POLR3B: variants seen among roughly 807,000 people sequenced by gnomAD.
POLR3B encodes the protein DNA-directed RNA polymerase III subunit RPC2.
POLR3B carries 96 observed loss-of-function variants against 147.4 expected under a neutral mutation model. The observed-to-expected ratio is 0.65, with a 90% CI of 0.55 to 0.77. The LOEUF (loss-of-function observed/expected upper bound fraction) is 0.77, where lower values mean the gene tolerates loss of function less well. Among genes scored for constraint, POLR3B ranks in the 30% least tolerant of loss-of-function variants. The pLI, the probability that POLR3B is intolerant of heterozygous loss-of-function variation, is 0.00. For missense variants in POLR3B, 1,036 were observed against 1,413.5 expected, an observed-to-expected ratio of 0.73 and a Z score of 4.28; for synonymous variants, 461 against 485.9, an observed-to-expected ratio of 0.95 and a Z score of 0.67.
chr12:106,387,261 A>C (rs971478962), intron 9 of POLR3B, among the ~76,000 whole-genome samples: 1 of 152,150 alleles, frequency 6.6e-6, no homozygotes, highest in Non-Finnish European at 1.5e-5. Context: ...ATGAATCTGC[A>C]TCATTATTTT....
At chr12:106,369,714 C>G in intron 6 of POLR3B, 31 bp downstream of exon 6, 1 of 1,328,182 alleles carries the variant, frequency 7.5e-7, no homozygotes, top group Non-Finnish European at 1.1e-6. Context: ...TAGAGCCACA[C>G]TGCCTGGATT....
At chr12:106,475,961 T>G (rs1362806049) in intron 23 of POLR3B, among the ~76,000 whole-genome samples, 4 of 150,804 alleles carry the variant, frequency 2.7e-5, no homozygotes, top group African/African-American at 4.9e-5. Context: ...CTTCCTAGTC[T>G]CGATGGTCTT....
intron 10 of POLR3B, among the ~76,000 whole-genome samples, chr12:106,394,503 C>T (rs2036955685): frequency 6.6e-6 from 1 of 152,046 alleles, no homozygotes; most frequent in Non-Finnish European, 1.5e-5. Context: ...TGGGAGATAC[C>T]CTATTCTTTA....
At chr12:106,471,204 C>G (rs2038086212) in intron 23 of POLR3B, among the ~76,000 whole-genome samples, 1 of 152,148 alleles carries the variant, frequency 6.6e-6, no homozygotes, top group South Asian at 2.1e-4. Context: ...CTCCACCATC[C>G]CAGGTTGATC....
Position 106,504,199 on chromosome 12 carries a change from G to T in POLR3B, c.3217G>T (p.Asp1073Tyr). 1 of 1,614,186 alleles carries T rather than the reference G, an allele frequency of 6.2e-7. No homozygotes were observed. Among genetic ancestry groups the T allele is most frequent in the East Asian group, 2.2e-5 (1 of 44,892 alleles). ...LLLERLMISSDAFEVDVCGQC... is the reference protein window; with the variant it reads ...LLLERLMISSYAFEVDVCGQC... ...GCTAGAGAGACTAATGATTTCAAGT[G>T]ATGCCTTTGAGGTTGATGTCTGTGG... Residue 1073 changes from aspartate to tyrosine, a missense_variant, in exon 27 of 28, where the codon GAT becomes TAT. Physicochemically the swap from Asp to Tyr is radical, Grantham distance 160. Around this residue, in one of 12 missense-constraint regions of POLR3B, gnomAD observed 69 missense variants for 89.8 expected, o/e 0.77. Coordinates refer to ENST00000228347, the MANE Select transcript of POLR3B (RefSeq NM_018082.6). The surrounding 1 kb of genome is among the most constrained non-coding windows in gnomAD (Gnocchi z 4.6).
At chr12:106,390,340 T>G (rs1378382592) in intron 9 of POLR3B, among the ~76,000 whole-genome samples, 2 of 151,630 alleles carry the variant, frequency 1.3e-5, no homozygotes, top group Non-Finnish European at 2.9e-5. Context: ...TTAACCTGTA[T>G]TATTTAAACA....
chr12:106,455,084 A>G (rs1248665106), intron 20 of POLR3B, among the ~76,000 whole-genome samples: 2 of 152,224 alleles, frequency 1.3e-5, no homozygotes, highest in East Asian at 3.8e-4. Flanking sequence ...CCTGTTTGAG[A>G]GGGCAGTAGC....
rs188914862 is a variant in POLR3B, at chr12:106,504,219, C to T, written c.3237C>T (p.Val1079=). The T allele has an allele frequency of 5.3e-5, 85 of 1,614,120 alleles. 1 individual carries two copies. In the Admixed American group the frequency reaches 7.0e-4, roughly 13 times the overall value. Residue 1079 remains valine (V), a synonymous_variant, in exon 27 of 28, where the codon GTC becomes GTT. Transcript: ENST00000228347. This position sits in a 1 kb window ranked among gnomAD's most constrained non-coding sequence, Gnocchi z 4.6. ...CAAGTGATGCCTTTGAGGTTGATGT[C>T]TGTGGGCAGTGTGGACTTCTGGGGT... ...MISSDAFEVD[V]CGQCGLLGYS...
intron 23 of POLR3B, among the ~76,000 whole-genome samples, chr12:106,493,158 T>C (rs1055806835): frequency 6.6e-6 from 1 of 152,252 alleles, no homozygotes; most frequent in Admixed American, 6.5e-5. Context: ...GGTTTATTTG[T>C]AGTCCATCCT....
At chr12:106,443,620 C>G (rs2037682440) in intron 18 of POLR3B, among the ~76,000 whole-genome samples, 1 of 151,404 alleles carries the variant, frequency 6.6e-6, no homozygotes, top group Admixed American at 6.6e-5. Context: ...TGGGTTCAAG[C>G]AATTCTCCTG....
chr12:106,405,106 T>TATC (rs1475173367), intron 10 of POLR3B, among the ~76,000 whole-genome samples: 3 of 152,190 alleles, frequency 2.0e-5, no homozygotes, highest in Non-Finnish European at 4.4e-5. Context: ...CTTGTGCCAG[T>TATC]ATCACACTGT....
intron 9 of POLR3B, among the ~76,000 whole-genome samples, chr12:106,392,091 G>A (rs545496359): frequency 6.6e-6 from 1 of 152,276 alleles, no homozygotes; most frequent in South Asian, 2.1e-4. Flanking sequence ...AAAGACTTGC[G>A]TTGCTGCTGC....
intron 23 of POLR3B, among the ~76,000 whole-genome samples, chr12:106,485,592 A>G (rs2038326706): frequency 6.6e-6 from 1 of 152,196 alleles, no homozygotes; most frequent in African/African-American, 2.4e-5. Flanking sequence ...GATAGAGCCA[A>G]CAGGACTTGC....
At chr12:106,498,851 G>T (rs543340030) in intron 25 of POLR3B, among the ~76,000 whole-genome samples, 1 of 152,354 alleles carries the variant, frequency 6.6e-6, no homozygotes, top group African/African-American at 2.4e-5. Flanking sequence ...CTCCCAAAGT[G>T]CTGGGATTAC....
chr12:106,378,189 T>G, intron 7 of POLR3B, 78 bp from the exon 8 acceptor site: 1 of 880,710 alleles, frequency 1.1e-6, no homozygotes, highest in Non-Finnish European at 2.0e-6. Flanking sequence ...AATCTCTGAT[T>G]CACAAGATTC....
chr12:106,461,948 A>T (rs1193564652), intron 22 of POLR3B, among the ~76,000 whole-genome samples: 1 of 152,128 alleles, frequency 6.6e-6, no homozygotes, highest in Non-Finnish European at 1.5e-5. Context: ...TCAGCTTCAT[A>T]TCAGCACTTG....
rs114697631 is a variant in POLR3B at position 106,444,981 on chromosome 12, C to T, written c.2083+391C>T. On this transcript the variant is annotated intron_variant, in intron 19 of 27. Coordinates refer to ENST00000228347, the MANE Select transcript of POLR3B (RefSeq NM_018082.6). ...AGAGGGAGAAAAAAATAAAGATGTA[C>T]GATGTCTATTTGAGTGTACCTAGTA... is the stretch of plus-strand genomic sequence containing the variant. Among the ~76,000 whole-genome samples, 442 of 152,180 alleles carry T rather than the reference C, an allele frequency of 2.9e-3. 4 individuals carry two copies. The highest frequency in any genetic ancestry group is 9.9e-3 in the African/African-American group (413 of 41,524).
chr12:106,483,809 T>A (rs2038302454), intron 23 of POLR3B, among the ~76,000 whole-genome samples: 1 of 152,220 alleles, frequency 6.6e-6, no homozygotes, highest in Non-Finnish European at 1.5e-5. Flanking sequence ...CAGTTAGTCC[T>A]GCCTTGTCTT....
intron 22 of POLR3B, among the ~76,000 whole-genome samples, chr12:106,462,105 C>T (rs899392726): frequency 6.6e-6 from 1 of 152,220 alleles, no homozygotes; most frequent in African/African-American, 2.4e-5. Flanking sequence ...TCGTTCCTGT[C>T]ATCTTAGCAG....
Sources: gnomAD v4.1 joint callset for allele counts (sites outside exome capture counted in the v4.1 genomes callset) on GRCh38, gnomAD v4.1.1 for gene constraint, gnomAD v4.1.1 regional missense constraint, Gnocchi (gnomAD v3.1) non-coding constraint, MANE v1.5 for transcripts, NCBI Gene and HGNC (gene_info 2026-07-23, HGNC 2026-07-21) for gene names.